The following HELZ variants were observed in gnomAD, a reference collection of about 807,000 sequenced individuals.
The protein encoded by HELZ is ATP-dependent RNA helicase with zinc finger domain.
Under a neutral mutation model 218.2 loss-of-function variants are expected in HELZ, and 23 were observed. That is an observed-to-expected ratio of 0.11 (90% CI 0.08 to 0.15). The LOEUF is 0.15. Among genes scored for constraint, HELZ ranks in the 10% least tolerant of loss-of-function variants. HELZ has a pLI of 1.00. For synonymous variants in HELZ, 814 were observed against 829.4 expected, an observed-to-expected ratio of 0.98 and a Z score of 0.32; for missense variants, 1,813 against 2,353.7, an observed-to-expected ratio of 0.77 and a Z score of 4.75.
In HELZ at chr17:67,201,133, G is replaced by A; in HGVS notation, c.425C>T (p.Thr142Ile). 6.2e-7 allele frequency: 1 copy of A among 1,601,390 alleles called. No individual in the cohort carries two copies. Among genetic ancestry groups the A allele is most frequent in the Non-Finnish European group, 8.6e-7 (1 of 1,168,400 alleles). ...GATCCACTGAAATGGCCTTACCTCT[G>A]TTTCTGAGAGAAGTGTTTTTAGTCT... ...LTRLKTLLSE[T>I]ETATSNALSG... The change falls in exon 7 of 33, where the codon ACA becomes ATA. Residue 142 changes from threonine to isoleucine, a missense_variant. Physicochemically the swap from Thr to Ile is moderately conservative, Grantham distance 89 (BLOSUM62 -1). Around this residue, in one of 4 missense-constraint regions of HELZ, gnomAD observed 714 missense variants for 1,029.2 expected, o/e 0.69. Coordinates refer to ENST00000358691, the MANE Select transcript of HELZ (RefSeq NM_014877.4).
At chr17:67,079,390 A>G (rs1416357612) in intron 32 of HELZ, among the ~76,000 whole-genome samples, 2 of 152,236 alleles carry the variant, frequency 1.3e-5, no homozygotes, top group Non-Finnish European at 2.9e-5. Context: ...TACTTGATTT[A>G]GAGTATTTCA....
chr17:67,195,853 T>A, intron 7 of HELZ, among the ~76,000 whole-genome samples: 1 of 109,450 alleles, frequency 9.1e-6, no homozygotes, highest in Admixed American at 1.0e-4. Flanking sequence ...TTTTTTTTTC[T>A]TTTTTTTTTT....
chr17:67,159,207 AT>A (rs1176188423), intron 17 of HELZ, among the ~76,000 whole-genome samples: 1 of 152,222 alleles, frequency 6.6e-6, no homozygotes, highest in Non-Finnish European at 1.5e-5. Context: ...AGTGATAGTG[AT>A]TGTATATATG....
chr17:67,131,874 T>C (rs967556328), intron 23 of HELZ, among the ~76,000 whole-genome samples: 2 of 152,112 alleles, frequency 1.3e-5, no homozygotes, highest in African/African-American at 4.8e-5. Context: ...CCCCAATACC[T>C]TACCAAACTA....
At chr17:67,236,007 G>T (rs575189577) in intron 3 of HELZ, among the ~76,000 whole-genome samples, 1 of 151,912 alleles carries the variant, frequency 6.6e-6, no homozygotes. Context: ...TGATCCGCCC[G>T]CCTTGGCCTC....
At position 67,136,100 on chromosome 17, in the gene HELZ, C is replaced by G; in HGVS notation, c.3052G>C (p.Asp1018His). ...PIKKKEQLLE[D>H]STEDLDYGFL... ...CCATAATCTAAGTCCTCTGTGGAAT[C>G]TTCCAGAAGTTGCTCTTTCTTTTTA... Residue 1018 changes from aspartate to histidine, a missense_variant, in exon 23 of 33, where the codon GAT (aspartate) becomes CAT (histidine). By Grantham distance (81) the Asp-to-His change is moderately conservative. This residue lies in a region of HELZ where 156 missense variants were observed against 274.4 expected (regional missense o/e 0.57). Transcript: ENST00000358691. 6.2e-7 allele frequency: 1 copy of G among 1,613,874 alleles called. No individual in the cohort carries two copies. Among genetic ancestry groups the G allele is most frequent in the Non-Finnish European group, 8.5e-7 (1 of 1,179,804 alleles).
chr17:67,123,752 A>C (rs536403388), intron 25 of HELZ, among the ~76,000 whole-genome samples: 1 of 152,228 alleles, frequency 6.6e-6, no homozygotes, highest in African/African-American at 2.4e-5. Context: ...TTCAGAAATA[A>C]CATATCAATG....
intron 31 of HELZ, among the ~76,000 whole-genome samples, chr17:67,100,882 C>T (rs994673371): frequency 6.6e-6 from 1 of 152,012 alleles, no homozygotes; most frequent in East Asian, 1.9e-4. Context: ...AGGCGGATCA[C>T]GAGGTCAGGA....
At chr17:67,243,327 C>A (rs987872317) in intron 2 of HELZ, among the ~76,000 whole-genome samples, 2 of 152,126 alleles carry the variant, frequency 1.3e-5, no homozygotes, top group Non-Finnish European at 2.9e-5. Context: ...GATTGACCTG[C>A]CTAATTCTTT....
At chr17:67,152,611 T>G (rs964634974) in intron 17 of HELZ, among the ~76,000 whole-genome samples, 2 of 152,076 alleles carry the variant, frequency 1.3e-5, no homozygotes, top group Non-Finnish European at 2.9e-5. Flanking sequence ...AATTTCGTTT[T>G]GGGCATATTC....
chr17:67,138,026 A>G lies in HELZ; in HGVS notation c.2858T>C (p.Val953Ala), dbSNP rs1005610851. ...AAACACTTGATCAGCATATGGAGTC[A>G]CCACACCAATACTGCCATCATCTAA... Reference protein sequence around the residue: ...GKLDDGSIGVVTPYADQVFRI... With the variant: ...GKLDDGSIGVATPYADQVFRI... The change falls in exon 22 of 33, where the codon GTG becomes GCG. Residue 953 changes from valine to alanine, a missense_variant. By Grantham distance (64) the Val-to-Ala change is moderately conservative (BLOSUM62 0). This residue lies in a region of HELZ where 156 missense variants were observed against 274.4 expected (regional missense o/e 0.57). Coordinates refer to ENST00000358691, the MANE Select transcript of HELZ (RefSeq NM_014877.4). 3 of 1,613,824 alleles carry G rather than the reference A, an allele frequency of 1.9e-6. No individual in the cohort carries two copies. Among genetic ancestry groups the G allele is most frequent in the Admixed American group, 1.7e-5 (1 of 59,994 alleles).
chr17:67,092,580 T>A (rs2048216555), intron 31 of HELZ, among the ~76,000 whole-genome samples: 1 of 152,164 alleles, frequency 6.6e-6, no homozygotes, highest in African/African-American at 2.4e-5. Context: ...GGGCTCCACA[T>A]GGATTCAAGC....
chr17:67,137,941 T>C lies in HELZ; in HGVS notation c.2943A>G (p.Leu981=). 6.2e-7 allele frequency: 1 copy of C among 1,608,682 alleles called. No homozygotes were observed. The highest frequency in any genetic ancestry group is 8.5e-7 in the Non-Finnish European group (1 of 1,176,738). ...RLSDVNVERV[L]NVQGKQFRVL... ...TCAATTGACACTTACCTTGAACATTTAGCACCCTTTCTACATTAACATCAG... is the reference window on the plus strand; with the variant it reads ...TCAATTGACACTTACCTTGAACATTCAGCACCCTTTCTACATTAACATCAG... Residue 981 remains leucine, a synonymous_variant, in exon 22 of 33, where the codon CTA becomes CTG. Transcript: ENST00000358691.
At chr17:67,105,591 T>C (rs1414547905) in intron 31 of HELZ, among the ~76,000 whole-genome samples, 2 of 152,196 alleles carry the variant, frequency 1.3e-5, no homozygotes, top group Admixed American at 1.3e-4. Flanking sequence ...CAATTTAAAA[T>C]GGCTAAAATG....
chr17:67,109,784 A>C (rs2143757809), intron 28 of HELZ, 98 bp from the exon 29 acceptor site: 4 of 808,092 alleles, frequency 4.9e-6, no homozygotes, highest in South Asian at 2.0e-5. Context: ...GATATGATAC[A>C]TTGATATCTT....
Position 67,192,132 on chromosome 17 carries a change from G to A in HELZ, c.558-1777C>T, listed in dbSNP as rs183406689. 2.4e-4 allele frequency among the ~76,000 whole-genome samples: 37 copies of A among 152,110 alleles called. 1 individual carries two copies. In the East Asian group the frequency reaches 7.2e-3, roughly 30 times the overall value. On this transcript the variant is annotated intron_variant, in intron 9 of 32. Transcript: ENST00000358691. ...CAGGAGAATCGCTTGAACCCGGGAGGCGGAGGTTGCAGTAAGCCGAGATCA... is the reference window on the plus strand; with the variant it reads ...CAGGAGAATCGCTTGAACCCGGGAGACGGAGGTTGCAGTAAGCCGAGATCA...
intron 32 of HELZ, among the ~76,000 whole-genome samples, chr17:67,085,939 T>A (rs2036357802): frequency 6.6e-6 from 1 of 152,226 alleles, no homozygotes; most frequent in Admixed American, 6.5e-5. Context: ...TTTCTATGCC[T>A]TTTTTGTTTT....
At chr17:67,221,408 G>A (rs1432340658) in intron 3 of HELZ, among the ~76,000 whole-genome samples, 1 of 152,174 alleles carries the variant, frequency 6.6e-6, no homozygotes, top group Admixed American at 6.5e-5. Context: ...ATGGATACCA[G>A]AGGCCCTAGA....
chr17:67,098,157 A>C (rs2036806939), intron 31 of HELZ, among the ~76,000 whole-genome samples: 1 of 152,214 alleles, frequency 6.6e-6, no homozygotes, highest in Non-Finnish European at 1.5e-5. Context: ...GTGTAATTGC[A>C]ATCATTTCTC....
Sources: gnomAD v4.1 joint callset for allele counts (sites outside exome capture counted in the v4.1 genomes callset) on GRCh38, gnomAD v4.1.1 for gene constraint, gnomAD v4.1.1 regional missense constraint, MANE v1.5 for transcripts, NCBI Gene and HGNC (gene_info 2026-07-23, HGNC 2026-07-21) for gene names.